Variants in MSRA observed in about 807,000 individuals in gnomAD.
MSRA encodes mitochondrial peptide methionine sulfoxide reductase.
A neutral mutation model predicts 31.3 loss-of-function variants in MSRA; 54 were observed. The ratio of observed to expected loss-of-function variants is 1.73; its 90% CI spans 1.39 to 2.17. The LOEUF (loss-of-function observed/expected upper bound fraction) is 2.17. MSRA is among the 30% of genes most tolerant of loss of function. The pLI, the probability that MSRA is intolerant of heterozygous loss-of-function variation, is 0.00. For missense variants in MSRA, 507 were observed against 300.9 expected (o/e 1.69, Z -5.07); for synonymous variants, 169 against 116.5 (o/e 1.45, Z -2.90).
At chr8:10,415,804 G>T (rs1808423954) in intron 5 of MSRA, among the ~76,000 whole-genome samples, 1 of 151,662 alleles carries the variant, frequency 6.6e-6, no homozygotes, top group Non-Finnish European at 1.5e-5. Flanking sequence ...TCTGCTTGGA[G>T]CATGCCCTTC....
intron 4 of MSRA, among the ~76,000 whole-genome samples, chr8:10,319,673 G>A (rs143741494): frequency 4.9e-4 from 75 of 151,778 alleles, no homozygotes; most frequent in Non-Finnish European, 9.1e-4. Context: ...AAAGATACTT[G>A]TTGTAATTAA....
intron 2 of MSRA, among the ~76,000 whole-genome samples, chr8:10,235,385 C>T (rs780064955): frequency 5.3e-5 from 8 of 151,970 alleles, no homozygotes; most frequent in Non-Finnish European, 7.4e-5. Flanking sequence ...CATATCTATA[C>T]GTGAGATGTA....
intron 1 of MSRA, among the ~76,000 whole-genome samples, chr8:10,068,330 C>A (rs1224939234): frequency 6.6e-6 from 1 of 152,058 alleles, no homozygotes; most frequent in Non-Finnish European, 1.5e-5. Flanking sequence ...TAAATGACAT[C>A]CAGCTTGTGG....
At chr8:10,072,823 T>A (rs558190833) in intron 1 of MSRA, among the ~76,000 whole-genome samples, 27 of 152,338 alleles carry the variant, frequency 1.8e-4, no homozygotes, top group African/African-American at 6.5e-4. Context: ...GTTTGCTATG[T>A]TCATACCTAA....
chr8:10,390,399 C>T (rs1806666856), intron 5 of MSRA, among the ~76,000 whole-genome samples: 1 of 152,178 alleles, frequency 6.6e-6, no homozygotes, highest in African/African-American at 2.4e-5. Context: ...AACCACTGAC[C>T]TAGGCTCCAT....
chr8:10,410,210 CG>C (rs1808071489), intron 5 of MSRA, among the ~76,000 whole-genome samples: 1 of 152,150 alleles, frequency 6.6e-6, no homozygotes, highest in Non-Finnish European at 1.5e-5. Flanking sequence ...GCATGTGTGG[CG>C]GGGACGCTTG....
At position 10,055,180 on chromosome 8, in the gene MSRA, C is replaced by G. The variant is rs1395231125; in HGVS notation, c.142+522C>G. 3.4e-5 allele frequency among the ~76,000 whole-genome samples: 5 copies of G among 148,992 alleles called. No individual in the cohort carries two copies. The East Asian group carries it at 6.0e-4, about 18-fold the overall frequency. On this transcript the variant is annotated intron_variant, in intron 1 of 5. Transcript: ENST00000317173. ...GGCCAGTGTTCTGGCTGAGTCACCCCTAGTCACCCCTCGTGCCCTAGGTCG... is the reference window on the plus strand; with the variant it reads ...GGCCAGTGTTCTGGCTGAGTCACCCGTAGTCACCCCTCGTGCCCTAGGTCG...
chr8:10,061,839 G>A (rs1797206767), intron 1 of MSRA, among the ~76,000 whole-genome samples: 3 of 151,790 alleles, frequency 2.0e-5, no homozygotes, highest in Admixed American at 2.0e-4. Flanking sequence ...CTTTGGCCAG[G>A]ATGAAGGGTG....
At chr8:10,236,937 T>C (rs1487209666) in intron 2 of MSRA, among the ~76,000 whole-genome samples, 2 of 152,228 alleles carry the variant, frequency 1.3e-5, no homozygotes, top group East Asian at 1.9e-4. Context: ...AGCTATGTTA[T>C]TGTTTTCATA....
chr8:10,122,198 A>T (rs1189798278), intron 1 of MSRA, among the ~76,000 whole-genome samples: 1 of 152,152 alleles, frequency 6.6e-6, no homozygotes, highest in African/African-American at 2.4e-5. Context: ...GAATTGATGT[A>T]CATGTCTAGC....
At position 10,302,133 on chromosome 8, in the gene MSRA, G is replaced by A. The variant is rs531039438; in HGVS notation, c.436+495G>A. On this transcript the variant is annotated intron_variant, in intron 4 of 5. Coordinates refer to ENST00000317173, the MANE Select transcript of MSRA (RefSeq NM_012331.5). ...ATGCAGTATTCACTAGGTCCACAAA[G>A]CTTGCTCATTTAAATATTTCATTTG... 3.3e-5 allele frequency among the ~76,000 whole-genome samples: 5 copies of A among 152,172 alleles called. No homozygotes were observed. The South Asian group carries it at 1.0e-3, about 32-fold the overall frequency.
At chr8:10,207,767 A>G in intron 1 of MSRA, 66 bp from the exon 2 acceptor site, 1 of 1,425,758 alleles carries the variant, frequency 7.0e-7, no homozygotes, top group Non-Finnish European at 9.6e-7. Context: ...GACACATTTA[A>G]TGACATGTGT....
At chr8:10,213,405 C>T (rs1338294212) in intron 2 of MSRA, among the ~76,000 whole-genome samples, 1 of 145,766 alleles carries the variant, frequency 6.9e-6, no homozygotes, top group Non-Finnish European at 1.5e-5. Context: ...CTGAGGAGTA[C>T]TCCATTGTGT....
intron 3 of MSRA, among the ~76,000 whole-genome samples, chr8:10,269,114 G>C (rs143229037): frequency 6.6e-6 from 1 of 152,166 alleles, no homozygotes; most frequent in Non-Finnish European, 1.5e-5. Flanking sequence ...AGCCAATGTC[G>C]ATGGATTGTT....
At chr8:10,142,267 A>T (rs1436021086) in intron 1 of MSRA, among the ~76,000 whole-genome samples, 1 of 152,126 alleles carries the variant, frequency 6.6e-6, no homozygotes. Flanking sequence ...CCTTATGTAC[A>T]GTGTTTCCCT....
At chr8:10,324,158 T>G (rs1479313675) in intron 5 of MSRA, among the ~76,000 whole-genome samples, 1 of 152,226 alleles carries the variant, frequency 6.6e-6, no homozygotes, top group Non-Finnish European at 1.5e-5. Flanking sequence ...TGGCCACATG[T>G]GGCTGTTGAG....
At chr8:10,206,959 G>T in intron 1 of MSRA, among the ~76,000 whole-genome samples, 1 of 152,202 alleles carries the variant, frequency 6.6e-6, no homozygotes, top group East Asian at 1.9e-4. Context: ...AGCCAATCCA[G>T]TGTGACCCAT....
chr8:10,250,802 C>A, intron 3 of MSRA: 1 of 266,044 alleles, frequency 3.8e-6, no homozygotes, highest in Non-Finnish European at 7.0e-6. Context: ...TGGGGCAATG[C>A]TGCTTGATGA....
intron 3 of MSRA, among the ~76,000 whole-genome samples, chr8:10,292,920 T>G (rs1448650415): frequency 2.0e-5 from 3 of 152,058 alleles, no homozygotes; most frequent in Admixed American, 2.0e-4. Context: ...ATACCAGTGA[T>G]GGAGGGCCCT....
Sources: allele counts gnomAD v4.1 joint callset (sites outside exome capture counted in the v4.1 genomes callset), GRCh38; gene constraint gnomAD v4.1.1; transcripts MANE v1.5; gene names NCBI Gene and HGNC (gene_info 2026-07-23, HGNC 2026-07-21).